S100A8: variants seen among roughly 807,000 people sequenced by gnomAD.
S100A8 encodes the protein protein S100-A8.
A neutral mutation model predicts 4.2 loss-of-function variants in S100A8; 1 was observed. That is an observed-to-expected ratio of 0.24 (90% confidence interval 0.08 to 1.12). The LOEUF is 1.12. Ranked by LOEUF, S100A8 falls within the 50% of genes most tolerant of loss-of-function variation. The pLI, the probability that S100A8 is intolerant of heterozygous loss-of-function variation, is 0.53. For missense variants in S100A8, 96 were observed against 111.8 expected, an observed-to-expected ratio of 0.86 and a Z score of 0.64; for synonymous variants, 41 against 44.7, an observed-to-expected ratio of 0.92 and a Z score of 0.33.
the S100A8 span, chr1:153,418,096 A>G: frequency 1.9e-6 from 3 of 1,614,166 alleles, no homozygotes; most frequent in Non-Finnish European, 2.5e-6. Context: ...AGCAACACTC[A>G]AGCTGAGAGG....
chr1:153,409,982 C>T, the S100A8 span, among the ~76,000 whole-genome samples: 1 of 152,024 alleles, frequency 6.6e-6, no homozygotes. Flanking sequence ...TCAAAGCAGT[C>T]TGTAGAGGGA....
At chr1:153,390,664 A>T in intron 1 of S100A8, 107 bp from the exon 2 acceptor site, 1 of 1,401,872 alleles carries the variant, frequency 7.1e-7, no homozygotes, top group Non-Finnish European at 9.7e-7. Context: ...CCTGGCCTGC[A>T]CTCTCCAAAT....
chr1:153,407,307 A>G, the S100A8 span, among the ~76,000 whole-genome samples: 1 of 152,260 alleles, frequency 6.6e-6, no homozygotes, highest in Non-Finnish European at 1.5e-5. Flanking sequence ...CAAACAGCAC[A>G]CCAGGAGATC....
upstream of S100A8, among the ~76,000 whole-genome samples, chr1:153,393,284 T>A (rs147616315): frequency 2.0e-5 from 3 of 152,314 alleles, no homozygotes; most frequent in African/African-American, 7.2e-5. Context: ...CTCTCCTCCA[T>A]GCTACCCAAA....
rs1209796757 is a variant in S100A8, at chr1:153,390,251, G to C, written c.142-8C>G. On this transcript the variant is annotated splice_region_variant and splice_polypyrimidine_tract_variant and intron_variant, in intron 2 of 2. Transcript: ENST00000368733. Reference sequence around the variant, plus strand: ...GACGTCTGCACCCTTTTTCTGTCAAGATTGAGGAGGAAGAAGCCAGAGTTT... The same window carrying C: ...GACGTCTGCACCCTTTTTCTGTCAACATTGAGGAGGAAGAAGCCAGAGTTT... The C allele has an allele frequency of 1.2e-5, 20 of 1,606,942 alleles. No individual in the cohort carries two copies. The highest frequency in any genetic ancestry group is 1.7e-5 in the Non-Finnish European group (20 of 1,175,614).
chr1:153,419,315 C>T, the S100A8 span: 2 of 1,613,238 alleles, frequency 1.2e-6, no homozygotes, highest in South Asian at 1.1e-5. Flanking sequence ...AGTGATCCAG[C>T]CCCACCAAGG....
At chr1:153,400,229 G>A in the S100A8 span, among the ~76,000 whole-genome samples, 3 of 152,196 alleles carry the variant, frequency 2.0e-5, no homozygotes, top group South Asian at 2.1e-4. Flanking sequence ...AGGTGAAAGA[G>A]AAGTGGTAGA....
chr1:153,419,312 C>T, the S100A8 span: 2 of 1,613,198 alleles, frequency 1.2e-6, no homozygotes, highest in African/African-American at 1.3e-5. Context: ...GCCAGTGATC[C>T]AGCCCCACCA....
chr1:153,412,113 A>AAAAGCC, the S100A8 span, among the ~76,000 whole-genome samples: 81 of 152,354 alleles, frequency 5.3e-4, no homozygotes, highest in Non-Finnish European at 1.0e-3. Flanking sequence ...CAATGGCAAC[A>AAAAGCC]AAAGCCAAAA....
chr1:153,412,319 C>A, the S100A8 span, among the ~76,000 whole-genome samples: 2 of 152,140 alleles, frequency 1.3e-5, no homozygotes, highest in South Asian at 4.1e-4. Context: ...AAAAAGTGGG[C>A]AAAGGATATG....
At chr1:153,418,602 T>C in the S100A8 span, among the ~76,000 whole-genome samples, 2 of 152,084 alleles carry the variant, frequency 1.3e-5, no homozygotes, top group Admixed American at 6.5e-5. Context: ...AGAAGTTCCA[T>C]TGCTAGTAGA....
At chr1:153,407,635 G>A in the S100A8 span, among the ~76,000 whole-genome samples, 22 of 152,258 alleles carry the variant, frequency 1.4e-4, no homozygotes, top group Non-Finnish European at 2.5e-4. Context: ...CTCCAAGCAC[G>A]GAGTTTGAGA....
the S100A8 span, among the ~76,000 whole-genome samples, chr1:153,404,741 C>T: frequency 2.6e-5 from 4 of 152,264 alleles, no homozygotes; most frequent in South Asian, 8.3e-4. Context: ...GAAAAGAATA[C>T]AAATTAAGTA....
At chr1:153,416,358 G>A in the S100A8 span, among the ~76,000 whole-genome samples, 4 of 152,164 alleles carry the variant, frequency 2.6e-5, no homozygotes, top group African/African-American at 9.7e-5. Context: ...TGGTGACCTG[G>A]GACCCTGGCC....
the S100A8 span, chr1:153,419,499 A>G: frequency 1.5e-6 from 1 of 649,004 alleles, no homozygotes; most frequent in Non-Finnish European, 2.7e-6. Context: ...CCCTCCAGCA[A>G]CGTTCCCCCT....
upstream of S100A8, among the ~76,000 whole-genome samples, chr1:153,392,944 C>T (rs973524045): frequency 6.6e-6 from 1 of 152,224 alleles, no homozygotes; most frequent in South Asian, 2.1e-4. Context: ...ACTCACTGAG[C>T]TTTTCCCATG....
At chr1:153,394,194 G>A (rs1240992389), upstream of S100A8, among the ~76,000 whole-genome samples, 1 of 152,192 alleles carries the variant, frequency 6.6e-6, no homozygotes, top group Admixed American at 6.5e-5. Flanking sequence ...AGACCTGACA[G>A]GTCCATCCCT....
chr1:153,417,546 C>T, the S100A8 span, among the ~76,000 whole-genome samples: 11 of 152,220 alleles, frequency 7.2e-5, no homozygotes, highest in African/African-American at 1.4e-4. Context: ...GGAGCCTGCA[C>T]GCACTGTGTC....
In S100A8 at chr1:153,390,229, G is replaced by T; in HGVS notation, c.156C>A (p.Asp52Glu). 1 of 1,611,716 alleles carries T rather than the reference G, an allele frequency of 6.2e-7. No individual in the cohort carries two copies. The highest frequency in any genetic ancestry group is 2.2e-5 in the East Asian group (1 of 44,808). The change falls in exon 3 of 3, where the codon GAC becomes GAA. Residue 52 changes from aspartate (D) to glutamate (E), a missense_variant. Transcript: ENST00000368733. The part of the protein sequence containing the change: ...CPQYIRKKGA[D>E]VWFKELDINT... ...TGATATCCAACTCTTTGAACCAGAC[G>T]TCTGCACCCTTTTTCTGTCAAGATT...
Sources: allele counts gnomAD v4.1 joint callset (sites outside exome capture counted in the v4.1 genomes callset), GRCh38; gene constraint gnomAD v4.1.1; transcripts MANE v1.5; gene names NCBI Gene and HGNC (gene_info 2026-07-23, HGNC 2026-07-21).